The following DGKI variants were observed in gnomAD, a reference collection of about 807,000 sequenced individuals.
The protein encoded by DGKI is DAG kinase iota.
In DGKI, 55 loss-of-function variants were observed where a neutral mutation model predicts 147.5. The observed-to-expected ratio is 0.37, with a 90% CI of 0.30 to 0.47. The LOEUF is 0.47. Among genes scored for constraint, DGKI ranks in the 20% least tolerant of loss-of-function variants. The probability of loss-of-function intolerance (pLI) is 1.00; values close to 1 mark genes in which losing one functional copy is unlikely to be tolerated. For missense variants in DGKI, 1,007 were observed against 1,323.8 expected (o/e 0.76, Z 3.71); for synonymous variants, 469 against 477.1 (o/e 0.98, Z 0.22).
chr7:137,824,952 T>C (rs893554875), intron 1 of DGKI, among the ~76,000 whole-genome samples: 1 of 152,206 alleles, frequency 6.6e-6, no homozygotes, highest in African/African-American at 2.4e-5. Context: ...CTTTATCCAG[T>C]CTATCATTTA....
In DGKI at chr7:137,690,009, CAAG is replaced by C. The variant is rs762297210; in HGVS notation, c.402-10_402-8del. 6.3e-7 allele frequency: 1 copy of C among 1,581,702 alleles called. No individual in the cohort carries two copies. The highest frequency in any genetic ancestry group is 1.1e-5 in the South Asian group (1 of 87,290). ...TGCCCGGGAGATTGCTTTCCTGCAGCAAGAAGAAAAACAAAAACAAAAACAAAG... is the reference window on the plus strand; with the variant it reads ...TGCCCGGGAGATTGCTTTCCTGCAGCAAGAAAAACAAAAACAAAAACAAAG... On this transcript the variant is annotated splice_region_variant and splice_polypyrimidine_tract_variant and intron_variant, in intron 1 of 32. Coordinates refer to ENST00000614521, the MANE Select transcript of DGKI (RefSeq NM_001321708.2).
chr7:137,436,857 T>TTAG (rs377153849), intron 28 of DGKI, among the ~76,000 whole-genome samples: 3 of 152,248 alleles, frequency 2.0e-5, no homozygotes, highest in African/African-American at 7.2e-5. Context: ...TAAAAATCAA[T>TTAG]TAGTAAAATG....
chr7:137,619,125 C>T (rs1820651625), intron 8 of DGKI, among the ~76,000 whole-genome samples: 1 of 152,092 alleles, frequency 6.6e-6, no homozygotes, highest in Non-Finnish European at 1.5e-5. Flanking sequence ...AAAAATCTGC[C>T]ATCCCATAAC....
At chr7:137,394,626 G>C (rs1811482384) in intron 32 of DGKI, among the ~76,000 whole-genome samples, 1 of 152,198 alleles carries the variant, frequency 6.6e-6, no homozygotes, top group Non-Finnish European at 1.5e-5. Flanking sequence ...ACCTCCGCCA[G>C]CTGATGCTAT....
At chr7:137,823,620 G>A (rs1360561079) in intron 1 of DGKI, among the ~76,000 whole-genome samples, 1 of 152,210 alleles carries the variant, frequency 6.6e-6, no homozygotes, top group Non-Finnish European at 1.5e-5. Context: ...GTCAGAAAAG[G>A]AGGTGTGACG....
intron 1 of DGKI, among the ~76,000 whole-genome samples, chr7:137,706,496 T>C (rs1024594107): frequency 1.3e-5 from 2 of 150,080 alleles, no homozygotes; most frequent in Admixed American, 1.3e-4. Flanking sequence ...TTTTATTTTA[T>C]TTTATTTTAT....
intron 23 of DGKI, among the ~76,000 whole-genome samples, chr7:137,477,745 C>G (rs898527032): frequency 6.6e-6 from 1 of 152,174 alleles, no homozygotes; most frequent in Non-Finnish European, 1.5e-5. Flanking sequence ...CATCCTCTGC[C>G]TCCTGGACTC....
intron 21 of DGKI, 50 bp downstream of exon 21, chr7:137,521,816 A>C (rs1160593127): frequency 1.5e-6 from 2 of 1,332,636 alleles, no homozygotes; most frequent in African/African-American, 2.9e-5. Context: ...AGGATCAAGA[A>C]GCTGAAGATA....
chr7:137,693,772 T>C (rs999616710), intron 1 of DGKI, among the ~76,000 whole-genome samples: 3 of 152,252 alleles, frequency 2.0e-5, no homozygotes, highest in African/African-American at 4.8e-5. Context: ...ATTTGAATTA[T>C]ATCCCATGCC....
chr7:137,427,286 G>T (rs2097448325), intron 28 of DGKI, among the ~76,000 whole-genome samples: 1 of 152,142 alleles, frequency 6.6e-6, no homozygotes, highest in Admixed American at 6.5e-5. Context: ...TGAACAACCT[G>T]CTCCTGAATG....
At chr7:137,504,937 A>G (rs998472479) in intron 21 of DGKI, among the ~76,000 whole-genome samples, 3 of 152,108 alleles carry the variant, frequency 2.0e-5, no homozygotes, top group African/African-American at 7.2e-5. Context: ...GAAAATGAAA[A>G]ATTAGCCACA....
intron 23 of DGKI, among the ~76,000 whole-genome samples, chr7:137,478,586 G>A (rs76299602): frequency 0.047 from 7,125 of 152,244 alleles, 436 homozygotes; most frequent in East Asian, 0.12. Flanking sequence ...CAGAGGGTCT[G>A]GAAGACTGGT....
At position 137,487,633 on chromosome 7, in the gene DGKI, T is replaced by C. The variant is rs145345599; in HGVS notation, c.2305A>G (p.Met769Val). 2.5e-4 allele frequency: 407 copies of C among 1,613,648 alleles called. No individual in the cohort carries two copies. Among genetic ancestry groups the C allele is most frequent in the Non-Finnish European group, 3.2e-4 (383 of 1,179,736 alleles). Residue 769 changes from methionine (M) to valine (V), a missense_variant, in exon 22 of 33, where the codon ATG becomes GTG. Around this residue, in one of 5 missense-constraint regions of DGKI, gnomAD observed 385 missense variants for 445.2 expected, o/e 0.86. Transcript: ENST00000614521. ...ACCTCCTGTAGGCGGTCTATGTACA[T>C]ACGGCAAGTCTCCAAATCACAGTCT... ...RGDCDLETCR[M>V]YIDRLQEDLQ... is the part of the protein sequence containing the mutation.
chr7:137,537,513 C>T (rs1817559683), intron 20 of DGKI, among the ~76,000 whole-genome samples: 1 of 151,818 alleles, frequency 6.6e-6, no homozygotes, highest in Non-Finnish European at 1.5e-5. Context: ...CCTAGAAATA[C>T]AATAATAATA....
At chr7:137,691,726 A>C (rs149798551) in intron 1 of DGKI, among the ~76,000 whole-genome samples, 6 of 151,560 alleles carry the variant, frequency 4.0e-5, no homozygotes, top group Non-Finnish European at 8.8e-5. Flanking sequence ...AGCCAGTAAG[A>C]ATCCAGGATT....
chr7:137,558,984 T>A (rs1818319369), intron 19 of DGKI, among the ~76,000 whole-genome samples: 1 of 150,244 alleles, frequency 6.7e-6, no homozygotes, highest in Admixed American at 6.6e-5. Flanking sequence ...AGTTTCCTCA[T>A]ATGTAAAGTG....
intron 1 of DGKI, among the ~76,000 whole-genome samples, chr7:137,779,006 A>G (rs948126840): frequency 6.6e-6 from 1 of 152,242 alleles, no homozygotes; most frequent in Non-Finnish European, 1.5e-5. Flanking sequence ...TGACATGTTA[A>G]TTCTAAAATT....
In DGKI at chr7:137,397,450, A is replaced by G. The variant is rs1171992733; in HGVS notation, c.2921-37T>C. The G allele has an allele frequency of 2.5e-6, 4 of 1,603,758 alleles. No homozygotes were observed. The East Asian group carries it at 8.9e-5, about 36-fold the overall frequency. On this transcript the variant is annotated intron_variant, in intron 30 of 32. Coordinates refer to ENST00000614521, the MANE Select transcript of DGKI (RefSeq NM_001321708.2). ...GAAAGCAAGATGACCGTCAAAAATA[A>G]GCTCAAAAACTAAACATTAACAGAA...
chr7:137,571,331 C>G, intron 18 of DGKI, 45 bp from the exon 19 acceptor site: 1 of 1,369,220 alleles, frequency 7.3e-7, no homozygotes, highest in South Asian at 1.2e-5. Flanking sequence ...TCCCATCCTT[C>G]TCATGACTAT....
Sources: gnomAD v4.1 joint callset for allele counts (sites outside exome capture counted in the v4.1 genomes callset) on GRCh38, gnomAD v4.1.1 for gene constraint, gnomAD v4.1.1 regional missense constraint, MANE v1.5 for transcripts, NCBI Gene and HGNC (gene_info 2026-07-23, HGNC 2026-07-21) for gene names.